CTNND2: variants seen among roughly 807,000 people sequenced by gnomAD.
The protein encoded by CTNND2 is catenin delta-2.
CTNND2 carries 22 observed loss-of-function variants against 144.4 expected under a neutral mutation model. That is an observed-to-expected ratio of 0.15 (90% CI 0.11 to 0.22). The LOEUF (loss-of-function observed/expected upper bound fraction) is 0.22. CTNND2 is among the 10% of genes least tolerant of loss of function. The pLI is 1.00. For missense variants in CTNND2, 1,353 were observed against 1,618.8 expected (o/e 0.84, Z 2.82); for synonymous variants, 751 against 695.6 (o/e 1.08, Z -1.25).
At position 11,693,389 on chromosome 5, in the gene CTNND2, C is replaced by A. The variant is rs1420743690; in HGVS notation, c.174+38747G>T. 2.6e-5 allele frequency among the ~76,000 whole-genome samples: 4 copies of A among 152,136 alleles called. No individual in the cohort carries two copies. The East Asian group carries it at 7.7e-4, about 29-fold the overall frequency. On this transcript the variant is annotated intron_variant, in intron 2 of 21. Coordinates refer to ENST00000304623, the MANE Select transcript of CTNND2 (RefSeq NM_001332.4). ...ATTCAAGTCAACTTGGGTTTGAAACCCAGTTTTGGAAGATACTGCATTTCA... is the reference window on the plus strand; with the variant it reads ...ATTCAAGTCAACTTGGGTTTGAAACACAGTTTTGGAAGATACTGCATTTCA...
chr5:11,218,559 A>C (rs1438382319), intron 10 of CTNND2, among the ~76,000 whole-genome samples: 1 of 152,152 alleles, frequency 6.6e-6, no homozygotes, highest in Non-Finnish European at 1.5e-5. Flanking sequence ...TTTTTCTCAG[A>C]AACTAGGATT....
At chr5:11,105,243 C>T (rs972163357) in intron 14 of CTNND2, among the ~76,000 whole-genome samples, 3 of 152,242 alleles carry the variant, frequency 2.0e-5, no homozygotes, top group Non-Finnish European at 4.4e-5. Flanking sequence ...TTGTCCCTGA[C>T]GTGCCAACCT....
At chr5:11,330,658 CT>C (rs1192672464) in intron 9 of CTNND2, among the ~76,000 whole-genome samples, 1 of 151,584 alleles carries the variant, frequency 6.6e-6, no homozygotes, top group East Asian at 1.9e-4. Flanking sequence ...CCCCCACCCC[CT>C]GTCTCTACTA....
chr5:11,862,321 G>A (rs574176769), intron 1 of CTNND2, among the ~76,000 whole-genome samples: 52 of 152,238 alleles, frequency 3.4e-4, no homozygotes, highest in Non-Finnish European at 6.2e-4. Context: ...ACTTGTTATA[G>A]TAATTCATGT....
chr5:11,747,796 C>A (rs1228655298), intron 1 of CTNND2, among the ~76,000 whole-genome samples: 1 of 152,140 alleles, frequency 6.6e-6, no homozygotes, highest in African/African-American at 2.4e-5. Context: ...CTGTCACAAT[C>A]TATTAAACAG....
At position 11,753,528 on chromosome 5, in the gene CTNND2, T is replaced by C. The variant is rs1222617362; in HGVS notation, c.38-21256A>G. ...GCATCCAGGAATAAAGCCTACCTCA[T>C]CATGGTGGAATACCTTGTTCGTGTG... On this transcript the variant is annotated intron_variant, in intron 1 of 21. Coordinates refer to ENST00000304623, the MANE Select transcript of CTNND2 (RefSeq NM_001332.4). Among the ~76,000 whole-genome samples the C allele has an allele frequency of 2.0e-5, 3 of 151,940 alleles. No individual in the cohort carries two copies. In the East Asian group the frequency reaches 5.8e-4, roughly 29 times the overall value.
At chr5:11,596,867 A>AT (rs1304534781) in intron 2 of CTNND2, among the ~76,000 whole-genome samples, 3 of 152,090 alleles carry the variant, frequency 2.0e-5, no homozygotes, top group Admixed American at 6.6e-5. Context: ...GCTTATCGGC[A>AT]TTTTTTTAAC....
At chr5:11,743,127 T>C (rs1310614427) in intron 1 of CTNND2, among the ~76,000 whole-genome samples, 1 of 152,208 alleles carries the variant, frequency 6.6e-6, no homozygotes, top group African/African-American at 2.4e-5. Context: ...AGAAACTCAA[T>C]CTGTCTTGGT....
chr5:11,466,507 CAGA>C (rs1246235474), intron 3 of CTNND2, among the ~76,000 whole-genome samples: 3 of 152,128 alleles, frequency 2.0e-5, no homozygotes, highest in African/African-American at 7.2e-5. Flanking sequence ...TGATATATAA[CAGA>C]AGAACATCTA....
chr5:11,162,411 T>C (rs1001668408), intron 11 of CTNND2, among the ~76,000 whole-genome samples: 1 of 152,152 alleles, frequency 6.6e-6, no homozygotes, highest in African/African-American at 2.4e-5. Flanking sequence ...GGCTGTTCTA[T>C]CTCCTTCACT....
At chr5:11,620,365 T>A (rs1561627532) in intron 2 of CTNND2, among the ~76,000 whole-genome samples, 1 of 152,076 alleles carries the variant, frequency 6.6e-6, no homozygotes, top group Non-Finnish European at 1.5e-5. Context: ...GGACCAATAT[T>A]CCCCTGCCTA....
chr5:11,189,849 C>T (rs1481578849), intron 11 of CTNND2, among the ~76,000 whole-genome samples: 1 of 152,076 alleles, frequency 6.6e-6, no homozygotes, highest in Non-Finnish European at 1.5e-5. Context: ...GTCTCTAGGA[C>T]TGAGGGTGGA....
intron 3 of CTNND2, among the ~76,000 whole-genome samples, chr5:11,450,986 C>T (rs376424953): frequency 6.7e-5 from 10 of 149,494 alleles, no homozygotes; most frequent in African/African-American, 2.5e-4. Flanking sequence ...AAAATATGTT[C>T]AATCATTTAT....
chr5:11,565,511 T>C (rs529859374), intron 2 of CTNND2, among the ~76,000 whole-genome samples: 1 of 152,400 alleles, frequency 6.6e-6, no homozygotes, highest in African/African-American at 2.4e-5. Context: ...TAGTGTTTAC[T>C]GCTTTCTTCA....
At chr5:11,235,428 T>G (rs1172147749) in intron 10 of CTNND2, among the ~76,000 whole-genome samples, 1 of 152,210 alleles carries the variant, frequency 6.6e-6, no homozygotes, top group African/African-American at 2.4e-5. Context: ...GTCACGTAAC[T>G]TTAATGCATT....
At chr5:11,490,867 A>G (rs2149992972) in intron 3 of CTNND2, among the ~76,000 whole-genome samples, 1 of 152,304 alleles carries the variant, frequency 6.6e-6, no homozygotes. Flanking sequence ...TCACCCCTGT[A>G]ATCCCAACAC....
chr5:11,233,899 A>G (rs955300397), intron 10 of CTNND2, among the ~76,000 whole-genome samples: 1 of 152,104 alleles, frequency 6.6e-6, no homozygotes, highest in Non-Finnish European at 1.5e-5. Context: ...CATTTTGTCA[A>G]CTCAGGATCA....
chr5:11,101,144 A>G (rs1751838026), intron 14 of CTNND2, among the ~76,000 whole-genome samples: 2 of 152,250 alleles, frequency 1.3e-5, no homozygotes, highest in Admixed American at 6.5e-5. Flanking sequence ...TTGAAGAAAA[A>G]GGACTATTTC....
chr5:11,031,055 T>C (rs1474065811), intron 16 of CTNND2, among the ~76,000 whole-genome samples: 1 of 152,186 alleles, frequency 6.6e-6, no homozygotes, highest in Non-Finnish European at 1.5e-5. Context: ...TTATTTCTCT[T>C]GTATATGCAG....
Sources: gnomAD v4.1 joint callset for allele counts (sites outside exome capture counted in the v4.1 genomes callset) on GRCh38, gnomAD v4.1.1 for gene constraint, MANE v1.5 for transcripts, NCBI Gene and HGNC (gene_info 2026-07-23, HGNC 2026-07-21) for gene names.